The following FRMD7 variants were observed in gnomAD, a reference collection of about 807,000 sequenced individuals.
FRMD7 encodes FERM domain-containing protein 7.
FRMD7 carries 14 observed loss-of-function variants against 44.1 expected under a neutral mutation model. That is an observed-to-expected ratio of 0.32 (90% CI 0.21 to 0.50). The LOEUF (loss-of-function observed/expected upper bound fraction) is 0.50. Ranked by LOEUF, FRMD7 falls within the 20% of genes least tolerant of loss-of-function variation. FRMD7 has a pLI of 0.99. For synonymous variants in FRMD7, 212 were observed against 187.4 expected, an observed-to-expected ratio of 1.13 and a Z score of -1.07; for missense variants, 501 against 522.3, an observed-to-expected ratio of 0.96 and a Z score of 0.40.
intron 1 of FRMD7, among the ~76,000 whole-genome samples, chrX:132,125,365 C>T (rs896664965): frequency 4.5e-5 from 5 of 111,858 alleles, no homozygotes; most frequent in Admixed American, 9.5e-5. Context: ...CAAGAGTCCA[C>T]TATGTTCCCT....
chrX:132,103,528 CT>C (rs919624173), intron 1 of FRMD7, among the ~76,000 whole-genome samples: 2 of 107,658 alleles, frequency 1.9e-5, no homozygotes, highest in South Asian at 4.0e-4. Context: ...ATCTATCTAT[CT>C]ATCTCTATAA....
chrX:132,099,442 T>C (rs1236570161), intron 3 of FRMD7, 26 bp downstream of exon 3: 11 of 1,164,506 alleles, frequency 9.4e-6, no homozygotes, highest in Non-Finnish European at 1.3e-5. Flanking sequence ...GTGAACTCTC[T>C]TCCTTAAATG....
intron 4 of FRMD7, among the ~76,000 whole-genome samples, chrX:132,096,951 G>A (rs769454819): frequency 5.4e-5 from 6 of 110,826 alleles, no homozygotes; most frequent in Admixed American, 9.7e-5. Flanking sequence ...CTGTTAAGCT[G>A]CCCTCTCTGA....
At position 132,078,287 on chromosome X, in the gene FRMD7, G is replaced by A. The variant is rs752045112; in HGVS notation, c.1730C>T (p.Ala577Val). ...LEEEDPNLED[A>V]FVCNIQEQTP... The stretch of plus-strand genomic sequence containing the variant: ...TTGCTCTTGAATGTTACATACAAAT[G>A]CATCTTCCAAATTTGGGTCTTCCTC... The change falls in exon 12 of 12, where the codon GCA becomes GTA. Residue 577 changes from alanine to valine, a missense_variant. By Grantham distance (64) the Ala-to-Val change is moderately conservative (BLOSUM62 0). This residue lies in a region of FRMD7 where 453 missense variants were observed against 452.7 expected (regional missense o/e 1.00). Coordinates refer to ENST00000298542, the MANE Select transcript of FRMD7 (RefSeq NM_194277.3). The A allele has an allele frequency of 4.1e-6, 5 of 1,211,200 alleles. No homozygotes were observed. The highest frequency in any genetic ancestry group is 5.6e-6 in the Non-Finnish European group (5 of 894,856).
intron 9 of FRMD7, among the ~76,000 whole-genome samples, chrX:132,082,151 AC>A (rs1204545327): frequency 9.0e-6 from 1 of 111,697 alleles, no homozygotes; most frequent in Non-Finnish European, 1.9e-5. Flanking sequence ...CTCTGATCCT[AC>A]CCCTTAGGTA....
At position 132,078,840 on chromosome X, in the gene FRMD7, G is replaced by A; in HGVS notation, c.1177C>T (p.Leu393=). Residue 393 remains leucine (L), a synonymous_variant, in exon 12 of 12, where the codon CTG becomes TTG. Transcript: ENST00000298542. ...SALEVTFATE[L]EHSKPEADPT... is the part of the protein sequence containing the mutation. ...TCCGCCTCTGGTTTGGAATGCTCCA[G>A]CTCAGTTGCAAATGTCACCTCCAAT... 1 of 1,209,727 alleles carries A rather than the reference G, an allele frequency of 8.3e-7. No homozygotes were observed. The highest frequency in any genetic ancestry group is 1.1e-6 in the Non-Finnish European group (1 of 893,847).
chrX:132,087,579 C>T (rs1338470307), intron 5 of FRMD7, among the ~76,000 whole-genome samples: 1 of 111,016 alleles, frequency 9.0e-6, no homozygotes, highest in Non-Finnish European at 1.9e-5. Context: ...ACATTGAAAC[C>T]CAATAAGGCT....
chrX:132,100,856 A>G, intron 1 of FRMD7, 140 bp from the exon 2 acceptor site: 1 of 498,748 alleles, frequency 2.0e-6, no homozygotes, highest in South Asian at 2.8e-5. Flanking sequence ...ATCCTTTTCA[A>G]AGATGTTGAC....
intron 1 of FRMD7, among the ~76,000 whole-genome samples, chrX:132,101,388 G>A (rs1448263864): frequency 8.9e-6 from 1 of 112,119 alleles, no homozygotes; most frequent in African/African-American, 3.2e-5. Flanking sequence ...CATCTCCCCA[G>A]AGAAGGTTTC....
intron 3 of FRMD7, 58 bp from the exon 4 acceptor site, chrX:132,097,402 TACACAC>T (rs762194321): frequency 7.4e-5 from 43 of 580,250 alleles, no homozygotes; most frequent in South Asian, 1.6e-4. Context: ...CAGTTATAGG[TACACAC>T]ACACACACAC....
chrX:132,098,530 A>G (rs771892666), intron 3 of FRMD7, among the ~76,000 whole-genome samples: 1 of 111,887 alleles, frequency 8.9e-6, no homozygotes, highest in East Asian at 2.8e-4. Flanking sequence ...AGGGGAATCA[A>G]TTTGGAAGCT....
rs768719723 is a variant in FRMD7, at chrX:132,077,958, C to CTTCT, written c.2058_2059insAGAA (p.Asp687ArgfsTer3). The CTTCT allele has an allele frequency of 8.3e-7, 1 of 1,211,499 alleles. No individual in the cohort carries two copies. ...AAATAAGCATCTTCATCTTCTTCAT[C>CTTCT]TAACTGTAGACTACCAGAAGACAGG... On this transcript the variant is annotated frameshift_variant, in exon 12 of 12. Transcript: ENST00000298542. LOFTEE classifies it high-confidence loss of function.
At chrX:132,093,971 G>A (rs1928254298) in intron 5 of FRMD7, 71 bp downstream of exon 5, 1 of 638,469 alleles carries the variant, frequency 1.6e-6, no homozygotes, top group Non-Finnish European at 2.6e-6. Flanking sequence ...CATGTGTGGG[G>A]AGCTCAGCTC....
At chrX:132,110,821 A>G (rs1300889752) in intron 1 of FRMD7, among the ~76,000 whole-genome samples, 1 of 112,453 alleles carries the variant, frequency 8.9e-6, no homozygotes, top group Non-Finnish European at 1.9e-5. Flanking sequence ...TCATATCAAA[A>G]GCTTTCTGCT....
intron 1 of FRMD7, among the ~76,000 whole-genome samples, chrX:132,115,670 G>A (rs1928880045): frequency 8.9e-6 from 1 of 111,944 alleles, no homozygotes; most frequent in Admixed American, 9.4e-5. Context: ...TAATTGCTTA[G>A]GTGGAATTAT....
intron 5 of FRMD7, among the ~76,000 whole-genome samples, chrX:132,093,762 C>A (rs993612091): frequency 1.8e-5 from 2 of 112,334 alleles, no homozygotes; most frequent in African/African-American, 6.5e-5. Context: ...CAAACCAGTT[C>A]CTGGACAGCT....
At chrX:132,116,678 C>T (rs1023286023) in intron 1 of FRMD7, among the ~76,000 whole-genome samples, 2 of 111,050 alleles carry the variant, frequency 1.8e-5, no homozygotes, top group Non-Finnish European at 3.8e-5. Context: ...TTGGGGCCGG[C>T]GGAGGGAGAG....
intron 1 of FRMD7, among the ~76,000 whole-genome samples, chrX:132,127,574 T>C (rs909649911): frequency 5.3e-5 from 6 of 112,391 alleles, no homozygotes; most frequent in Non-Finnish European, 1.1e-4. Flanking sequence ...TGTTGTCCCT[T>C]GAGAAAAGAC....
intron 1 of FRMD7, among the ~76,000 whole-genome samples, chrX:132,122,181 C>T (rs1389997611): frequency 8.9e-6 from 1 of 111,791 alleles, no homozygotes; most frequent in Non-Finnish European, 1.9e-5. Context: ...TTTGAGCACC[C>T]GCTTTGTGTC....
Sources: allele counts gnomAD v4.1 joint callset (sites outside exome capture counted in the v4.1 genomes callset), GRCh38; gene constraint gnomAD v4.1.1; regional missense constraint gnomAD v4.1.1; transcripts MANE v1.5; gene names NCBI Gene and HGNC (gene_info 2026-07-23, HGNC 2026-07-21).